The following CWH43 variants were observed in gnomAD, a reference collection of about 807,000 sequenced individuals.
CWH43 encodes the protein cell wall biogenesis 43 C-terminal homolog.
CWH43 carries 91 observed loss-of-function variants against 85.7 expected under a neutral mutation model. The observed-to-expected ratio is 1.06, with a 90% CI of 0.90 to 1.26. CWH43 has a LOEUF of 1.26. Among genes scored for constraint, CWH43 ranks in the 50% most tolerant of loss-of-function variants. The pLI is 0.00. For synonymous variants in CWH43, 323 were observed against 293.6 expected (o/e 1.10, Z -1.02); for missense variants, 869 against 839.2 (o/e 1.04, Z -0.44).
chr4:48,997,363 C>A (rs1422280861), intron 5 of CWH43, among the ~76,000 whole-genome samples: 1 of 151,904 alleles, frequency 6.6e-6, no homozygotes, highest in Non-Finnish European at 1.5e-5. Flanking sequence ...CTGGCCCTAT[C>A]TGCATTATTT....
At chr4:49,021,509 ACTTAGTCTTG>A (rs1783749812) in intron 9 of CWH43, among the ~76,000 whole-genome samples, 1 of 151,760 alleles carries the variant, frequency 6.6e-6, no homozygotes, top group Non-Finnish European at 1.5e-5. Context: ...TATTATTTTT[ACTTAGTCTTG>A]CTTTGGCTAT....
In CWH43 at chr4:48,994,704, G is replaced by A. The variant is rs776312160; in HGVS notation, c.597G>A (p.Gly199=). 116 of 1,614,080 alleles carry A rather than the reference G, an allele frequency of 7.2e-5. 1 individual carries two copies. Among genetic ancestry groups the A allele is most frequent in the Non-Finnish European group, 9.1e-5 (107 of 1,180,046 alleles). The part of the protein sequence containing the change: ...MASRPNWLLA[G]AAFGSLVFLT... Reference sequence around the variant, plus strand: ...CTAGACCCAACTGGCTGCTGGCAGGGGCTGCTTTTGGTAGCCTTGTGTTCC... The same window carrying A: ...CTAGACCCAACTGGCTGCTGGCAGGAGCTGCTTTTGGTAGCCTTGTGTTCC... The change falls in exon 5 of 16, where the codon GGG becomes GGA. Residue 199 remains glycine (G), a synonymous_variant. Coordinates refer to ENST00000226432, the MANE Select transcript of CWH43 (RefSeq NM_025087.3).
chr4:49,001,948 T>A (rs1783005977), intron 6 of CWH43, among the ~76,000 whole-genome samples: 2 of 152,168 alleles, frequency 1.3e-5, no homozygotes, highest in South Asian at 4.1e-4. Context: ...GACCTTAATT[T>A]GGTAAAGATT....
chr4:48,988,815 G>T, intron 2 of CWH43, 147 bp downstream of exon 2: 1 of 564,836 alleles, frequency 1.8e-6, no homozygotes, highest in Non-Finnish European at 3.0e-6. Flanking sequence ...AAGAGCTTTA[G>T]TAATTGGAAG....
At chr4:49,024,785 CT>C (rs549489523) in intron 9 of CWH43, among the ~76,000 whole-genome samples, 12 of 150,942 alleles carry the variant, frequency 8.0e-5, no homozygotes, top group East Asian at 1.9e-4. Context: ...TCTTAAGATT[CT>C]TTTTTTTTGT....
At chr4:48,996,019 C>T (rs985136718) in intron 5 of CWH43, among the ~76,000 whole-genome samples, 1 of 151,422 alleles carries the variant, frequency 6.6e-6, no homozygotes, top group African/African-American at 2.4e-5. Flanking sequence ...AGGATCTGGC[C>T]CCCCTACTTA....
intron 6 of CWH43, 57 bp downstream of exon 6, chr4:48,998,605 T>A (rs1782892896): frequency 3.2e-6 from 4 of 1,251,968 alleles, no homozygotes; most frequent in Admixed American, 1.7e-5. Context: ...CCAGTTTGTT[T>A]GCAAGCATGC....
intron 9 of CWH43, among the ~76,000 whole-genome samples, chr4:49,021,212 T>C (rs1428621796): frequency 6.6e-6 from 1 of 152,234 alleles, no homozygotes; most frequent in Non-Finnish European, 1.5e-5. Context: ...CTTTGATCCA[T>C]CTTGAGTTGA....
At chr4:49,061,377 C>T (rs1283688828) in intron 15 of CWH43, among the ~76,000 whole-genome samples, 1 of 152,136 alleles carries the variant, frequency 6.6e-6, no homozygotes, top group Non-Finnish European at 1.5e-5. Context: ...TCATATCAAC[C>T]AGAGCTGTAT....
At position 48,991,491 on chromosome 4, in the gene CWH43, T is replaced by C. The variant is rs1382533721; in HGVS notation, c.273T>C (p.Leu91=). ...CCTTCCAGGCTCCAAATGCCAAACT[T>C]CGACTGATGGTTCTTGCGCTTGGGG... ...IASFQAPNAK[L]RLMVLALGVS... The change falls in exon 3 of 16, where the codon CTT becomes CTC. Residue 91 remains leucine, a synonymous_variant. Transcript: ENST00000226432. 1.9e-6 allele frequency: 3 copies of C among 1,614,100 alleles called. No individual in the cohort carries two copies. In the East Asian group the frequency reaches 6.7e-5, roughly 36 times the overall value.
chr4:49,061,519 C>T (rs1246314997), intron 15 of CWH43, among the ~76,000 whole-genome samples: 1 of 152,002 alleles, frequency 6.6e-6, no homozygotes, highest in African/African-American at 2.4e-5. Flanking sequence ...GCTTAATGGC[C>T]CCTTTGCCTA....
At chr4:49,041,247 G>A (rs1301243179) in intron 13 of CWH43, among the ~76,000 whole-genome samples, 3 of 152,142 alleles carry the variant, frequency 2.0e-5, no homozygotes, top group African/African-American at 4.8e-5. Flanking sequence ...GGTTCCATAT[G>A]AACTTTAAAG....
intron 15 of CWH43, among the ~76,000 whole-genome samples, chr4:49,059,703 G>T (rs528576342): frequency 6.6e-6 from 1 of 152,290 alleles, no homozygotes; most frequent in South Asian, 2.1e-4. Context: ...TTGGTGCCTG[G>T]ATCAGCAAGT....
intron 12 of CWH43, 91 bp downstream of exon 12, chr4:49,032,806 TTTC>T (rs963677238): frequency 6.8e-7 from 1 of 1,470,004 alleles, no homozygotes; most frequent in Admixed American, 1.8e-5. Flanking sequence ...CCTTTCTCAT[TTTC>T]TTCTTTTTTA....
chr4:49,050,732 A>T lies in CWH43; in HGVS notation c.1904A>T (p.Asp635Val). Reference protein sequence around the residue: ...YARISHAELSDSEIQMAKFRI... With the variant: ...YARISHAELSVSEIQMAKFRI... ...AGAATCTCCCATGCTGAACTGAGTG[A>T]TTCAGAAATTCAGATGGCAAAATTT... The change falls in exon 15 of 16, where the codon GAT (aspartate) becomes GTT (valine). Residue 635 changes from aspartate to valine, a missense_variant. Asp to Val is a radical substitution (Grantham distance 152). Transcript: ENST00000226432. 6.2e-7 allele frequency: 1 copy of T among 1,613,152 alleles called. No homozygotes were observed.
chr4:49,004,707 C>T (rs997698594), intron 7 of CWH43, among the ~76,000 whole-genome samples: 1 of 152,092 alleles, frequency 6.6e-6, no homozygotes, highest in African/African-American at 2.4e-5. Context: ...TTTTTATTTA[C>T]CATATTTGTA....
chr4:49,035,571 T>C (rs2768971), intron 12 of CWH43, among the ~76,000 whole-genome samples: 92,376 of 152,010 alleles, frequency 0.61, 30,669 homozygotes, highest in Middle Eastern at 0.79. Flanking sequence ...TTCCAGTTCT[T>C]GTGTCTCTGG....
chr4:49,033,673 C>T (rs1323411518), intron 12 of CWH43, among the ~76,000 whole-genome samples: 1 of 152,096 alleles, frequency 6.6e-6, no homozygotes, highest in African/African-American at 2.4e-5. Flanking sequence ...GTTTTATCCC[C>T]AAAGAATAAC....
intron 8 of CWH43, among the ~76,000 whole-genome samples, chr4:49,011,453 G>T (rs1210866890): frequency 5.3e-5 from 8 of 152,090 alleles, no homozygotes; most frequent in Non-Finnish European, 1.0e-4. Flanking sequence ...TGGGCATTTA[G>T]CCCATTTACA....
Sources: allele counts gnomAD v4.1 joint callset (sites outside exome capture counted in the v4.1 genomes callset), GRCh38; gene constraint gnomAD v4.1.1; transcripts MANE v1.5; gene names NCBI Gene and HGNC (gene_info 2026-07-23, HGNC 2026-07-21).